Variants in MTA1 observed in about 807,000 individuals in gnomAD.
The protein encoded by MTA1 is metastasis associated 1.
In MTA1, 15 loss-of-function variants were observed where a neutral mutation model predicts 97.0. The observed-to-expected ratio is 0.15, with a 90% CI of 0.10 to 0.24. The LOEUF (loss-of-function observed/expected upper bound fraction) is 0.24. Ranked by LOEUF, MTA1 falls within the 10% of genes least tolerant of loss-of-function variation. The pLI, the probability that MTA1 is intolerant of heterozygous loss-of-function variation, is 1.00. For missense variants in MTA1, 709 were observed against 1,015.1 expected, an observed-to-expected ratio of 0.70 and a Z score of 4.10; for synonymous variants, 435 against 417.5, an observed-to-expected ratio of 1.04 and a Z score of -0.51.
chr14:105,451,142 C>G (rs982781563), intron 6 of MTA1, among the ~76,000 whole-genome samples: 1 of 152,232 alleles, frequency 6.6e-6, no homozygotes, highest in East Asian at 1.9e-4. Context: ...CGGCCCCCAC[C>G]CTGCCCATCC....
intron 1 of MTA1, among the ~76,000 whole-genome samples, chr14:105,433,332 T>C (rs1244797574): frequency 4.6e-5 from 7 of 152,120 alleles, no homozygotes; most frequent in African/African-American, 1.7e-4. Flanking sequence ...TGAGCACCGG[T>C]GTGGCTGCCC....
At chr14:105,461,112 G>A (rs1290637147) in intron 10 of MTA1, among the ~76,000 whole-genome samples, 159 bp downstream of exon 10, 3 of 152,128 alleles carry the variant, frequency 2.0e-5, no homozygotes, top group Non-Finnish European at 2.9e-5. Context: ...AGCTGCGCTC[G>A]GCCGCCATAG....
intron 6 of MTA1, among the ~76,000 whole-genome samples, chr14:105,452,094 T>C (rs1217142892): frequency 3.3e-5 from 5 of 152,172 alleles, no homozygotes; most frequent in Admixed American, 6.5e-5. Flanking sequence ...GCCCAGCCAC[T>C]TCCCTCTTCT....
intron 1 of MTA1, among the ~76,000 whole-genome samples, chr14:105,425,230 G>T (rs1329598983): frequency 6.6e-6 from 1 of 152,226 alleles, no homozygotes; most frequent in Non-Finnish European, 1.5e-5. Flanking sequence ...GACCTGGTTG[G>T]GGGGCAGCTT....
rs1555431687 is a variant in MTA1 at position 105,463,953 on chromosome 14, C to T, written c.1077-79C>T. ...GTGGTTCTGGACAAGGGGTGGTCAG[C>T]CGCGGTGCCTGCTGGGCACATGGGC... On this transcript the variant is annotated intron_variant, in intron 12 of 20. Transcript: ENST00000331320. The surrounding 1 kb of genome is among the most constrained non-coding windows in gnomAD (Gnocchi z 5.9). The T allele has an allele frequency of 7.1e-7, 1 of 1,399,904 alleles. No individual in the cohort carries two copies. The highest frequency in any genetic ancestry group is 1.0e-6 in the Non-Finnish European group (1 of 989,194). 86.7% of individuals were successfully genotyped at this position (1,399,904 alleles called of 1,614,324 possible).
chr14:105,425,216 C>G (rs915394866), intron 1 of MTA1, among the ~76,000 whole-genome samples: 2 of 152,352 alleles, frequency 1.3e-5, no homozygotes, highest in Middle Eastern at 3.4e-3. Flanking sequence ...GGAGCCCACC[C>G]TGAGACCTGG....
intron 18 of MTA1, 191 bp downstream of exon 18, chr14:105,466,933 G>A: frequency 1.6e-6 from 1 of 631,084 alleles, no homozygotes; most frequent in Non-Finnish European, 2.7e-6. Context: ...CCCGAGCCCA[G>A]GCATCTGGCC....
chr14:105,464,210 T>A (rs1291424098), intron 13 of MTA1, 63 bp downstream of exon 13: 2 of 1,536,210 alleles, frequency 1.3e-6, no homozygotes, highest in African/African-American at 2.8e-5. Context: ...GTGCCTGCGT[T>A]GGCCCTGAGG....
At chr14:105,436,372 T>C (rs911077066) in intron 1 of MTA1, among the ~76,000 whole-genome samples, 14 of 152,240 alleles carry the variant, frequency 9.2e-5, no homozygotes, top group African/African-American at 3.4e-4. Flanking sequence ...CCTTCTTGCT[T>C]TATTTGTCCG....
At chr14:105,465,470 C>CT (rs1336963197) in intron 16 of MTA1, 23 of 281,748 alleles carry the variant, frequency 8.2e-5, no homozygotes, top group Non-Finnish European at 1.5e-4. Context: ...GGGGGCTTCC[C>CT]TGCCAGTCTC....
At chr14:105,457,648 G>A (rs1202113968) in intron 7 of MTA1, among the ~76,000 whole-genome samples, 5 of 152,364 alleles carry the variant, frequency 3.3e-5, no homozygotes, top group African/African-American at 4.8e-5. Context: ...AGCTTGGGCC[G>A]GGCACGGTGG....
chr14:105,438,816 G>C lies in MTA1; in HGVS notation c.96+77G>C, dbSNP rs587740072. 1.3e-5 allele frequency: 19 copies of C among 1,495,842 alleles called. No homozygotes were observed. The South Asian group carries it at 2.0e-4, about 16-fold the overall frequency. 92.7% of individuals were successfully genotyped at this position (1,495,842 alleles called of 1,614,324 possible). On this transcript the variant is annotated intron_variant, in intron 2 of 20. Transcript: ENST00000331320. ...CCAGCTCCTGCCCTGTGGGTGGCCA[G>C]TGTGGGTGGCCCCCTTTCGGGGCTG...
chr14:105,458,033 T>C (rs2083216980), intron 7 of MTA1, among the ~76,000 whole-genome samples: 1 of 152,152 alleles, frequency 6.6e-6, no homozygotes, highest in Non-Finnish European at 1.5e-5. Context: ...CTTGGAGCCC[T>C]GCATTCTGGG....
intron 18 of MTA1, chr14:105,469,084 G>A (rs904991002): frequency 1.1e-5 from 5 of 470,934 alleles, no homozygotes; most frequent in East Asian, 6.2e-5. Context: ...CGGCCACAGC[G>A]TGGCTGCCCT....
At chr14:105,452,908 G>A (rs1301901886) in intron 6 of MTA1, among the ~76,000 whole-genome samples, 2 of 152,188 alleles carry the variant, frequency 1.3e-5, no homozygotes, top group African/African-American at 4.8e-5. Flanking sequence ...TGGAAAAGAC[G>A]ACCCACAGGA....
At chr14:105,469,025 GCT>G (rs2083715228) in intron 18 of MTA1, 1 of 367,326 alleles carries the variant, frequency 2.7e-6, no homozygotes, top group Non-Finnish European at 5.5e-6. Flanking sequence ...GGGGCTGGCG[GCT>G]CTCTCAGAGC....
chr14:105,431,188 G>A (rs1313299905), intron 1 of MTA1, among the ~76,000 whole-genome samples: 1 of 151,964 alleles, frequency 6.6e-6, no homozygotes, highest in Non-Finnish European at 1.5e-5. Flanking sequence ...TCAGCCTCCC[G>A]AGTAGCTGGG....
At chr14:105,428,292 C>T (rs950187228) in intron 1 of MTA1, among the ~76,000 whole-genome samples, 1 of 152,030 alleles carries the variant, frequency 6.6e-6, no homozygotes, top group African/African-American at 2.4e-5. Flanking sequence ...TTGAGTCTGG[C>T]GTCTTTCTTT....
In MTA1 at chr14:105,448,834, G is replaced by A. The variant is rs371020985; in HGVS notation, c.191-525G>A. On this transcript the variant is annotated intron_variant, in intron 3 of 20. Transcript: ENST00000331320. ...CCGCAGAGAGCGAGCAGCCCGGCTG[G>A]CTGTGGTCCCATCTGGGGACCTTGG... Among the ~76,000 whole-genome samples the A allele has an allele frequency of 7.7e-4, 118 of 152,382 alleles. 4 individuals are homozygous for A. The South Asian group carries it at 0.024, about 31-fold the overall frequency.
Sources: gnomAD v4.1 joint callset for allele counts (sites outside exome capture counted in the v4.1 genomes callset) on GRCh38, gnomAD v4.1.1 for gene constraint, Gnocchi (gnomAD v3.1) non-coding constraint, MANE v1.5 for transcripts, NCBI Gene and HGNC (gene_info 2026-07-23, HGNC 2026-07-21) for gene names.